GLRX3: variants seen among roughly 807,000 people sequenced by gnomAD.
GLRX3 encodes glutaredoxin-3.
Under a neutral mutation model 49.5 loss-of-function variants are expected in GLRX3, and 22 were observed. The observed-to-expected ratio is 0.44, with a 90% CI of 0.32 to 0.63. The LOEUF is 0.63. GLRX3 is among the 30% of genes least tolerant of loss of function. The pLI is 0.05. For synonymous variants in GLRX3, 133 were observed against 140.0 expected (o/e 0.95, Z 0.35); for missense variants, 385 against 396.3 (o/e 0.97, Z 0.24).
intron 2 of GLRX3, among the ~76,000 whole-genome samples, chr10:130,150,383 C>T (rs1225926560): frequency 6.6e-6 from 1 of 152,120 alleles, no homozygotes; most frequent in Non-Finnish European, 1.5e-5. Context: ...CTCATTTTAC[C>T]ATATCATGTA....
intron 1 of GLRX3, among the ~76,000 whole-genome samples, chr10:130,144,100 T>G (rs776010064): frequency 1.3e-5 from 2 of 152,222 alleles, no homozygotes; most frequent in Non-Finnish European, 2.9e-5. Context: ...TGCCTTCATT[T>G]TCAACACTTA....
At chr10:130,157,438 G>T (rs1194308522) in intron 2 of GLRX3, among the ~76,000 whole-genome samples, 2 of 128,868 alleles carry the variant, frequency 1.6e-5, no homozygotes, top group African/African-American at 2.9e-5. Context: ...CTTTTCCTCT[G>T]CATTTTTTTT....
At position 130,177,049 on chromosome 10, in the gene GLRX3, ATTG is replaced by A. The variant is rs1355976761; in HGVS notation, c.957+1963_957+1965del. Among the ~76,000 whole-genome samples, 11 of 152,206 alleles carry A rather than the reference ATTG, an allele frequency of 7.2e-5. No individual in the cohort carries two copies. In the South Asian group the frequency reaches 2.3e-3, roughly 32 times the overall value. ...AACATATACGTTTGAAATGTGTGAT[ATTG>A]TTAACGTTTTTCCTTGAGAAGATAT... On this transcript the variant is annotated intron_variant, in intron 10 of 10. Coordinates refer to ENST00000331244, the MANE Select transcript of GLRX3 (RefSeq NM_006541.5).
chr10:130,136,663 C>T, intron 1 of GLRX3, 151 bp downstream of exon 1: 1 of 1,005,786 alleles, frequency 9.9e-7, no homozygotes, highest in Non-Finnish European at 1.3e-6. Context: ...CACCCGTAGA[C>T]TCCCCCGAGC....
chr10:130,158,139 G>A (rs1187947544), intron 2 of GLRX3, among the ~76,000 whole-genome samples: 1 of 152,146 alleles, frequency 6.6e-6, no homozygotes, highest in African/African-American at 2.4e-5. Context: ...GGAATTGTAA[G>A]AGGTCATTTG....
At chr10:130,149,713 G>A (rs1862335369) in intron 2 of GLRX3, among the ~76,000 whole-genome samples, 1 of 151,514 alleles carries the variant, frequency 6.6e-6, no homozygotes, top group Non-Finnish European at 1.5e-5. Flanking sequence ...GGTGCCTGCT[G>A]CTGGTTGTAT....
At chr10:130,166,132 T>C (rs1862680254) in intron 4 of GLRX3, among the ~76,000 whole-genome samples, 1 of 152,234 alleles carries the variant, frequency 6.6e-6, no homozygotes, top group African/African-American at 2.4e-5. Flanking sequence ...GTCTCTGGGA[T>C]TACAGGTGTG....
chr10:130,137,335 C>T (rs760976666), intron 1 of GLRX3, among the ~76,000 whole-genome samples: 20 of 152,228 alleles, frequency 1.3e-4, no homozygotes, highest in Non-Finnish European at 2.8e-4. Flanking sequence ...TAAATGCTTA[C>T]TAGCGTGCGT....
chr10:130,168,568 C>T (rs1218792967), intron 6 of GLRX3, among the ~76,000 whole-genome samples: 3 of 152,312 alleles, frequency 2.0e-5, no homozygotes, highest in East Asian at 1.9e-4. Context: ...CCTCAGCCTC[C>T]CGGGTAGCCG....
At chr10:130,171,915 G>A (rs535684880) in intron 8 of GLRX3, among the ~76,000 whole-genome samples, 4 of 152,220 alleles carry the variant, frequency 2.6e-5, no homozygotes, top group East Asian at 1.9e-4. Flanking sequence ...GTAGTGAGCC[G>A]TGATTGCACC....
chr10:130,145,657 G>C (rs768458892), intron 2 of GLRX3, among the ~76,000 whole-genome samples: 2 of 151,944 alleles, frequency 1.3e-5, no homozygotes, highest in Non-Finnish European at 2.9e-5. Flanking sequence ...GCGAGACGCT[G>C]TCTCTAAATA....
chr10:130,162,522 A>G (rs964890117), intron 4 of GLRX3, among the ~76,000 whole-genome samples: 1 of 152,200 alleles, frequency 6.6e-6, no homozygotes, highest in Non-Finnish European at 1.5e-5. Flanking sequence ...TGGCCACTAA[A>G]TGGGAACTTA....
chr10:130,137,014 C>T (rs1395551523), intron 1 of GLRX3, among the ~76,000 whole-genome samples: 1 of 152,258 alleles, frequency 6.6e-6, no homozygotes, highest in African/African-American at 2.4e-5. Context: ...TTCAGCCTCC[C>T]TTCAGGAACG....
chr10:130,146,197 C>T (rs1005988246), intron 2 of GLRX3, among the ~76,000 whole-genome samples: 11 of 152,134 alleles, frequency 7.2e-5, no homozygotes, highest in Non-Finnish European at 4.4e-5. Flanking sequence ...AAATTAGTTC[C>T]CTGTGGGTAA....
chr10:130,160,681 G>T, intron 3 of GLRX3, 115 bp from the exon 4 acceptor site: 1 of 657,266 alleles, frequency 1.5e-6, no homozygotes. Flanking sequence ...AATTGGCAAT[G>T]AGGGTTTCTT....
chr10:130,170,358 C>T (rs1862780402), intron 7 of GLRX3, among the ~76,000 whole-genome samples: 1 of 152,134 alleles, frequency 6.6e-6, no homozygotes, highest in African/African-American at 2.4e-5. Context: ...GAAAGGGACA[C>T]AATACTTCAC....
At chr10:130,173,147 A>G (rs1862846780) in intron 8 of GLRX3, among the ~76,000 whole-genome samples, 1 of 152,096 alleles carries the variant, frequency 6.6e-6, no homozygotes, top group Non-Finnish European at 1.5e-5. Context: ...TGAGACACAC[A>G]CAGTCCATCC....
chr10:130,178,869 G>C (rs1339987955), intron 10 of GLRX3, among the ~76,000 whole-genome samples: 3 of 151,946 alleles, frequency 2.0e-5, no homozygotes, highest in African/African-American at 7.3e-5. Flanking sequence ...ATGCCCAACT[G>C]ATTTTTGTAT....
intron 4 of GLRX3, among the ~76,000 whole-genome samples, chr10:130,163,891 A>T (rs1047001107): frequency 6.6e-6 from 1 of 152,164 alleles, no homozygotes; most frequent in African/African-American, 2.4e-5. Context: ...CTTATTTTGC[A>T]CCAAATTAGC....
Sources: gnomAD v4.1 joint callset for allele counts (sites outside exome capture counted in the v4.1 genomes callset) on GRCh38, gnomAD v4.1.1 for gene constraint, MANE v1.5 for transcripts, NCBI Gene and HGNC (gene_info 2026-07-23, HGNC 2026-07-21) for gene names.